Variants in MYH11 observed in about 807,000 individuals in gnomAD.
The protein encoded by MYH11 is myosin-11.
A neutral mutation model predicts 246.6 loss-of-function variants in MYH11; 80 were observed. The ratio of observed to expected loss-of-function variants is 0.32; its 90% confidence interval spans 0.27 to 0.39. MYH11 has a LOEUF of 0.39. Among genes scored for constraint, MYH11 ranks in the 10% least tolerant of loss-of-function variants. The pLI is 1.00. For missense variants in MYH11, 2,158 were observed against 2,546.8 expected (o/e 0.85, Z 3.29); for synonymous variants, 1,071 against 1,015.5 (o/e 1.05, Z -1.04).
chr16:15,797,765 C>T (rs1425163672), intron 4 of MYH11, among the ~76,000 whole-genome samples: 1 of 152,004 alleles, frequency 6.6e-6, no homozygotes, highest in African/African-American at 2.4e-5. Context: ...TGCACACGTT[C>T]CCAGCTCAGG....
chr16:15,713,819 ATGATTGCAG>A (rs1290295651), intron 40 of MYH11: 1 of 152,442 alleles, frequency 6.6e-6, no homozygotes, highest in Non-Finnish European at 1.5e-5. Context: ...CTTTCACCAA[ATGATTGCAG>A]CAATGCAAGA....
chr16:15,719,336 C>T (rs766622779), intron 35 of MYH11, 28 bp from the exon 36 acceptor site: 2 of 1,605,900 alleles, frequency 1.2e-6, no homozygotes, highest in Non-Finnish European at 1.7e-6. Context: ...AGGCTGTTGT[C>T]TGCCAGGGAA....
Position 15,750,028 on chromosome 16 carries a change from A to C in MYH11, c.2058+110T>G, listed in dbSNP as rs2041521908. ...GATTCAGATAGCCTTCCCCACATGGAAAATGGGGTCCTCGGGGTAGGTGGG... is the reference window on the plus strand; with the variant it reads ...GATTCAGATAGCCTTCCCCACATGGCAAATGGGGTCCTCGGGGTAGGTGGG... On this transcript the variant is annotated intron_variant, in intron 16 of 40. Coordinates refer to ENST00000300036, the MANE Select transcript of MYH11 (RefSeq NM_002474.3). This position sits in a 1 kb window ranked among gnomAD's most constrained non-coding sequence, Gnocchi z 4.3. 1 of 1,326,142 alleles carries C rather than the reference A, an allele frequency of 7.5e-7. No homozygotes were observed. The highest frequency in any genetic ancestry group is 1.8e-5 in the Admixed American group (1 of 54,816). The allele number at this position is 1,326,142 out of a possible 1,614,324, so 82.1% of individuals were successfully genotyped here.
chr16:15,817,537 A>C (rs1457117617), intron 3 of MYH11, among the ~76,000 whole-genome samples: 1 of 152,208 alleles, frequency 6.6e-6, no homozygotes, highest in Non-Finnish European at 1.5e-5. Context: ...AGAATTTAAA[A>C]AATAAACATG....
chr16:15,816,223 A>T (rs113366165), intron 3 of MYH11, among the ~76,000 whole-genome samples: 1 of 152,198 alleles, frequency 6.6e-6, no homozygotes, highest in African/African-American at 2.4e-5. Flanking sequence ...GGTGAAAAAG[A>T]TCCTATATGA....
intron 6 of MYH11, among the ~76,000 whole-genome samples, chr16:15,782,007 G>T (rs1316935607): frequency 6.6e-6 from 1 of 152,018 alleles, no homozygotes. Flanking sequence ...TCGGATATAA[G>T]GGTCTAGCCC....
intron 4 of MYH11, among the ~76,000 whole-genome samples, chr16:15,788,024 G>A (rs1006832657): frequency 2.1e-5 from 3 of 144,548 alleles, no homozygotes; most frequent in Non-Finnish European, 3.0e-5. Flanking sequence ...AGATCAGCAC[G>A]ACATGGTTTG....
At chr16:15,761,898 T>A (rs1382179129) in intron 10 of MYH11, among the ~76,000 whole-genome samples, 1 of 152,218 alleles carries the variant, frequency 6.6e-6, no homozygotes, top group African/African-American at 2.4e-5. Context: ...GGACTCCACC[T>A]TGCTTCTAAC....
Position 15,747,937 on chromosome 16 carries a change from C to T in MYH11, c.2187G>A (p.Glu729=). 6.2e-7 allele frequency: 1 copy of T among 1,614,132 alleles called. No individual in the cohort carries two copies. The change falls in exon 18 of 41, where the codon GAG becomes GAA. Residue 729 remains glutamate, a synonymous_variant. Transcript: ENST00000300036. ...TGGGGATGGCATTCGCCGCCAGGATCTCGTAGCTTGAAACACAGAGCAGAA... is the reference window on the plus strand; with the variant it reads ...TGGGGATGGCATTCGCCGCCAGGATTTCGTAGCTTGAAACACAGAGCAGAA... The part of the protein sequence containing the change: ...IVFQEFRQRY[E]ILAANAIPKG...
intron 9 of MYH11, among the ~76,000 whole-genome samples, chr16:15,767,269 A>C (rs947367922): frequency 6.6e-6 from 1 of 152,118 alleles, no homozygotes; most frequent in Non-Finnish European, 1.5e-5. Context: ...ATGAGTCTCA[A>C]TAAGTCCCAT....
chr16:15,757,729 T>TA, intron 13 of MYH11, 98 bp downstream of exon 13: 1 of 1,468,802 alleles, frequency 6.8e-7, no homozygotes. Context: ...GGGGGAATGC[T>TA]ATGTGCATGG....
intron 4 of MYH11, 135 bp from the exon 5 acceptor site, chr16:15,786,867 A>T: frequency 1.2e-6 from 1 of 868,776 alleles, no homozygotes; most frequent in Non-Finnish European, 1.9e-6. Flanking sequence ...GAGGGGAAGT[A>T]ACTTGCCCAA....
intron 19 of MYH11, among the ~76,000 whole-genome samples, chr16:15,745,562 T>C (rs1053976777): frequency 6.6e-6 from 1 of 150,460 alleles, no homozygotes; most frequent in African/African-American, 2.5e-5. Context: ...CTGCACTAGC[T>C]GTTTCTTTTT....
At chr16:15,844,550 T>C (rs2044139603) in intron 1 of MYH11, among the ~76,000 whole-genome samples, 1 of 152,102 alleles carries the variant, frequency 6.6e-6, no homozygotes, top group Non-Finnish European at 1.5e-5. Context: ...GGGGAACCCA[T>C]AGATTAAAAA....
At position 15,719,298 on chromosome 16, in the gene MYH11, G is replaced by T; in HGVS notation, c.5093C>A (p.Ala1698Asp). Residue 1698 changes from alanine to aspartate, a missense_variant, in exon 36 of 41, where the codon GCC (alanine) becomes GAC (aspartate). Physicochemically the swap from Ala to Asp is moderately radical, Grantham distance 126. This residue lies in a region of MYH11 where 1,013 missense variants were observed against 993.5 expected (regional missense o/e 1.02). Coordinates refer to ENST00000300036, the MANE Select transcript of MYH11 (RefSeq NM_002474.3). ...DLMQLQEDLA[A>D]AERARKQADL... ...CGCTTGTTTGCGAGCCCTCTCAGCG[G>T]CGGCGAGGTCCTAGGTGGGAGGGAG... The T allele has an allele frequency of 6.2e-7, 1 of 1,611,520 alleles. No homozygotes were observed.
chr16:15,779,516 C>G, intron 6 of MYH11: 1 of 158,246 alleles, frequency 6.3e-6, no homozygotes, highest in South Asian at 1.9e-4. Flanking sequence ...GACGTTGCTC[C>G]TGAGAGGTAG....
At chr16:15,721,140 C>G (rs887595627) in intron 32 of MYH11, 89 bp from the exon 33 acceptor site, 1 of 1,441,088 alleles carries the variant, frequency 6.9e-7, no homozygotes, top group African/African-American at 1.4e-5. Context: ...CTCAGGAGAT[C>G]AGGGAGGTGG....
At chr16:15,720,406 A>C (rs1451248503) in intron 33 of MYH11, 94 bp from the exon 34 acceptor site, 1 of 1,497,602 alleles carries the variant, frequency 6.7e-7, no homozygotes, top group African/African-American at 1.4e-5. Context: ...CTTCCCCAGC[A>C]CAGCCCCCTT....
chr16:15,765,440 GATGGATGGATGA>G (rs1213881927), intron 9 of MYH11, among the ~76,000 whole-genome samples: 5 of 152,058 alleles, frequency 3.3e-5, no homozygotes, highest in Non-Finnish European at 7.4e-5. Context: ...ATGGATGGAT[GATGGATGGATGA>G]ATGGATGGAT....
Sources: gnomAD v4.1 joint callset for allele counts (sites outside exome capture counted in the v4.1 genomes callset) on GRCh38, gnomAD v4.1.1 for gene constraint, gnomAD v4.1.1 regional missense constraint, Gnocchi (gnomAD v3.1) non-coding constraint, MANE v1.5 for transcripts, NCBI Gene and HGNC (gene_info 2026-07-23, HGNC 2026-07-21) for gene names.